Variants in ST6GALNAC6 observed in about 807,000 individuals in gnomAD.
ST6GALNAC6 encodes the protein ST6 N-acetylgalactosaminide alpha-2,6-sialyltransferase 6.
ST6GALNAC6 carries 19 observed loss-of-function variants against 34.3 expected under a neutral mutation model. The observed-to-expected ratio is 0.55, with a 90% CI of 0.39 to 0.81. The LOEUF is 0.81. Among genes scored for constraint, ST6GALNAC6 ranks in the 40% least tolerant of loss-of-function variants. The pLI, the probability that ST6GALNAC6 is intolerant of heterozygous loss-of-function variation, is 0.00. For synonymous variants in ST6GALNAC6, 185 were observed against 182.1 expected, an observed-to-expected ratio of 1.02 and a Z score of -0.13; for missense variants, 377 against 467.7, an observed-to-expected ratio of 0.81 and a Z score of 1.79.
chr9:127,893,245 T>A (rs1476385781), intron 4 of ST6GALNAC6, among the ~76,000 whole-genome samples: 1 of 151,990 alleles, frequency 6.6e-6, no homozygotes, highest in African/African-American at 2.4e-5. Flanking sequence ...TGGGGCAGAG[T>A]CAACAAGTGG....
chr9:127,889,196 T>C (rs774946843), intron 5 of ST6GALNAC6, among the ~76,000 whole-genome samples: 2 of 151,672 alleles, frequency 1.3e-5, no homozygotes, highest in Non-Finnish European at 2.9e-5. Flanking sequence ...CAAAAATACA[T>C]AAATTAGCTG....
intron 3 of ST6GALNAC6, among the ~76,000 whole-genome samples, chr9:127,895,320 T>G (rs1830386406): frequency 6.6e-6 from 1 of 152,182 alleles, no homozygotes; most frequent in South Asian, 2.1e-4. Context: ...GCCTCTCCAG[T>G]AAGGGCATCT....
At chr9:127,898,060 G>T in intron 1 of ST6GALNAC6, 50 bp from the exon 2 acceptor site, 1 of 934,876 alleles carries the variant, frequency 1.1e-6, no homozygotes, top group Non-Finnish European at 1.7e-6. Context: ...TTGTTGGAAG[G>T]ATTCAAGCAG....
At chr9:127,897,024 G>A (rs1333350943) in intron 2 of ST6GALNAC6, 3 of 912,148 alleles carry the variant, frequency 3.3e-6, no homozygotes, top group Middle Eastern at 5.6e-4. Context: ...GTCCAGGCTC[G>A]ACAGTCTCTG....
At position 127,890,524 on chromosome 9, in the gene ST6GALNAC6, G is replaced by A. The variant is rs73669487; in HGVS notation, c.704+113C>T. ...CTAGGAGGCCCAACCAGAGGACGGC[G>A]GGACTTGACTACCCCTCAGAGCAGT... On this transcript the variant is annotated intron_variant, in intron 5 of 6. Coordinates refer to ENST00000373146, the MANE Select transcript of ST6GALNAC6 (RefSeq NM_013443.5). This position sits in a 1 kb window ranked among gnomAD's most constrained non-coding sequence, Gnocchi z 4.3. 2.8e-4 allele frequency: 411 copies of A among 1,479,654 alleles called. 1 individual carries two copies. The African/African-American group carries it at 4.6e-3, about 17-fold the overall frequency. The allele number at this position is 1,479,654 out of a possible 1,614,324, so 91.7% of individuals were successfully genotyped here. A position where few individuals can be genotyped will look rare whatever the true frequency, so the allele number is the denominator to read the frequency against.
At chr9:127,899,710 G>C (rs964087574), upstream of ST6GALNAC6, 1 of 972,258 alleles carries the variant, frequency 1.0e-6, no homozygotes, top group African/African-American at 1.8e-5. Context: ...CACGGGCGGC[G>C]CGGGCGGGGA....
intron 1 of ST6GALNAC6, among the ~76,000 whole-genome samples, chr9:127,898,877 T>C (rs529377257): frequency 1.9e-3 from 285 of 151,758 alleles, no homozygotes; most frequent in Non-Finnish European, 3.0e-3. Context: ...TGCCGGCCTG[T>C]TGGGGAGCGG....
At chr9:127,897,007 G>T in intron 2 of ST6GALNAC6, 1 of 948,490 alleles carries the variant, frequency 1.1e-6, no homozygotes, top group East Asian at 1.2e-4. Flanking sequence ...TGAGAGGCTC[G>T]GTTCTAGTCC....
At chr9:127,904,351 T>TC (rs976108318), upstream of ST6GALNAC6, 343 of 148,182 alleles carry the variant, frequency 2.3e-3, no homozygotes, top group East Asian at 3.8e-3. Flanking sequence ...CTCGTGGGCC[T>TC]CCCCCCCCCA....
chr9:127,898,744 T>A (rs565031624), intron 1 of ST6GALNAC6, among the ~76,000 whole-genome samples: 1 of 152,362 alleles, frequency 6.6e-6, no homozygotes, highest in African/African-American at 2.4e-5. Context: ...TACAGGGAGC[T>A]GCCCAGGGCT....
In ST6GALNAC6 at chr9:127,886,527, G is replaced by A. The variant is rs754296386; in HGVS notation, c.*72C>T. On this transcript the variant is annotated 3_prime_UTR_variant, in exon 7 of 7. Coordinates refer to ENST00000373146, the MANE Select transcript of ST6GALNAC6 (RefSeq NM_013443.5). Reference sequence around the variant, plus strand: ...AGCAAGCCTTGATTGGCCAGAAGATGGTCCCTGGCCTAGCGGCTGGGCGGA... The same window carrying A: ...AGCAAGCCTTGATTGGCCAGAAGATAGTCCCTGGCCTAGCGGCTGGGCGGA... 6 of 1,577,006 alleles carry A rather than the reference G, an allele frequency of 3.8e-6. No homozygotes were observed. The Admixed American group carries it at 9.2e-5, about 24-fold the overall frequency.
chr9:127,889,895 T>C (rs949657113), intron 5 of ST6GALNAC6, among the ~76,000 whole-genome samples: 5 of 152,190 alleles, frequency 3.3e-5, no homozygotes, highest in African/African-American at 1.2e-4. Context: ...GTTGAACATA[T>C]TGGGTTAAAA....
At chr9:127,892,511 C>T (rs1830207634) in intron 4 of ST6GALNAC6, among the ~76,000 whole-genome samples, 1 of 152,066 alleles carries the variant, frequency 6.6e-6, no homozygotes, top group Non-Finnish European at 1.5e-5. Context: ...GCATGATTGC[C>T]TGCATATAGT....
At chr9:127,905,048 C>G in intron 1 of ST6GALNAC6, 1 of 252,910 alleles carries the variant, frequency 4.0e-6, no homozygotes, top group Non-Finnish European at 6.2e-6. Context: ...GAGGCTTCCC[C>G]GGCTTCCCCT....
At chr9:127,896,945 T>C in intron 2 of ST6GALNAC6, 1 of 985,114 alleles carries the variant, frequency 1.0e-6, no homozygotes, top group Non-Finnish European at 1.2e-6. Flanking sequence ...CTGAATGAAT[T>C]AGTGCATTAA....
At chr9:127,888,602 A>T (rs1391411792) in intron 5 of ST6GALNAC6, among the ~76,000 whole-genome samples, 1 of 147,012 alleles carries the variant, frequency 6.8e-6, no homozygotes, top group African/African-American at 2.5e-5. Flanking sequence ...AAGTCAAGAG[A>T]TTGAGACCAG....
chr9:127,891,121 C>T, intron 4 of ST6GALNAC6, 78 bp from the exon 5 acceptor site: 5 of 1,503,996 alleles, frequency 3.3e-6, no homozygotes, highest in African/African-American at 2.8e-5. Flanking sequence ...GCCTCCAGGA[C>T]CCAGGAATTG....
At chr9:127,901,555 C>G (rs565376868), upstream of ST6GALNAC6, among the ~76,000 whole-genome samples, 3 of 152,220 alleles carry the variant, frequency 2.0e-5, no homozygotes, top group South Asian at 6.2e-4. Flanking sequence ...GCAGAGGTTG[C>G]AGTGAGCCCA....
intron 3 of ST6GALNAC6, 52 bp downstream of exon 3, chr9:127,896,190 C>A: frequency 6.3e-7 from 1 of 1,596,064 alleles, no homozygotes; most frequent in East Asian, 2.2e-5. Context: ...GAACCCGTTC[C>A]ATGGAGGGAA....
Sources: allele counts gnomAD v4.1 joint callset (sites outside exome capture counted in the v4.1 genomes callset), GRCh38; gene constraint gnomAD v4.1.1; non-coding constraint Gnocchi (gnomAD v3.1); transcripts MANE v1.5; gene names NCBI Gene and HGNC (gene_info 2026-07-23, HGNC 2026-07-21).